The following ATP8A2 variants were observed in gnomAD, a reference collection of about 807,000 sequenced individuals.
The protein encoded by ATP8A2 is phospholipid-transporting ATPase IB.
In ATP8A2, 100 loss-of-function variants were observed where a neutral mutation model predicts 165.6. The ratio of observed to expected loss-of-function variants is 0.60; its 90% CI spans 0.51 to 0.71. The LOEUF (loss-of-function observed/expected upper bound fraction) is 0.71, where lower values mean the gene tolerates loss of function less well. ATP8A2 is among the 30% of genes least tolerant of loss of function. The pLI, the probability that ATP8A2 is intolerant of heterozygous loss-of-function variation, is 0.00. For synonymous variants in ATP8A2, 543 were observed against 548.8 expected (o/e 0.99, Z 0.15); for missense variants, 1,227 against 1,479.5 (o/e 0.83, Z 2.80).
rs983772780 is a variant in ATP8A2 at position 25,903,155 on chromosome 13, G to T, written c.3183+40747G>T. ...AACGAAACAAAACAAAAAAAATTCCGGTCTCCTGCCATAGCTCCTGTCTTG... is the reference window on the plus strand; with the variant it reads ...AACGAAACAAAACAAAAAAAATTCCTGTCTCCTGCCATAGCTCCTGTCTTG... On this transcript the variant is annotated intron_variant, in intron 33 of 36. Transcript: ENST00000381655. 6.6e-5 allele frequency among the ~76,000 whole-genome samples: 10 copies of T among 151,850 alleles called. No individual in the cohort carries two copies. In the South Asian group the frequency reaches 1.5e-3, roughly 22 times the overall value.
In ATP8A2 at chr13:25,448,657, T is replaced by C. The variant is rs9581347; in HGVS notation, c.77-20320T>C. ...ATTTAATAAGGCTCTTTTTATTTTA[T>C]TTATTTTTTTGAGACAGAGTCTCAC... On this transcript the variant is annotated intron_variant, in intron 1 of 36. Transcript: ENST00000381655. 5.2e-3 allele frequency among the ~76,000 whole-genome samples: 790 copies of C among 152,234 alleles called. 7 individuals are homozygous for C. The highest frequency in any genetic ancestry group is 0.017 in the African/African-American group (697 of 41,534).
intron 1 of ATP8A2, among the ~76,000 whole-genome samples, chr13:25,391,827 G>A (rs1292996701): frequency 6.6e-6 from 1 of 152,224 alleles, no homozygotes; most frequent in Non-Finnish European, 1.5e-5. Flanking sequence ...GTCTTGAGTG[G>A]ATGGAGGGTT....
intron 16 of ATP8A2, 21 bp downstream of exon 16, chr13:25,564,052 C>T (rs770225363): frequency 1.5e-5 from 23 of 1,567,560 alleles, no homozygotes; most frequent in East Asian, 9.0e-5. Flanking sequence ...TGTTTTACTT[C>T]GAAGACAGCA....
At chr13:25,833,438 A>G (rs9581452) in intron 28 of ATP8A2, among the ~76,000 whole-genome samples, 1,832 of 152,264 alleles carry the variant, frequency 0.012, 41 homozygotes, top group African/African-American at 0.039. Context: ...ATAAAAGTAG[A>G]CTTATTTTTA....
intron 1 of ATP8A2, among the ~76,000 whole-genome samples, chr13:25,468,028 G>A (rs73170521): frequency 0.21 from 32,542 of 152,174 alleles, 4,535 homozygotes; most frequent in Non-Finnish European, 0.31. Flanking sequence ...CACTGCTCAA[G>A]CTGGGCAGCC....
chr13:25,710,661 G>A (rs959163245), intron 25 of ATP8A2, among the ~76,000 whole-genome samples: 1 of 152,184 alleles, frequency 6.6e-6, no homozygotes, highest in African/African-American at 2.4e-5. Flanking sequence ...GTTGTTGGGT[G>A]AACACAAATG....
chr13:25,718,337 G>C (rs1176271235), intron 25 of ATP8A2, among the ~76,000 whole-genome samples: 1 of 152,166 alleles, frequency 6.6e-6, no homozygotes, highest in Non-Finnish European at 1.5e-5. Flanking sequence ...CTCGGGGTCA[G>C]AAAAAATTTA....
chr13:25,438,104 CTTTAGTAGATT>C (rs1408997129), intron 1 of ATP8A2, among the ~76,000 whole-genome samples: 2 of 151,828 alleles, frequency 1.3e-5, no homozygotes, highest in African/African-American at 4.8e-5. Flanking sequence ...ATTCTGTGAC[CTTTAGTAGATT>C]TTTAATTGTG....
chr13:25,483,944 C>T (rs537932264), intron 2 of ATP8A2, among the ~76,000 whole-genome samples: 3 of 152,290 alleles, frequency 2.0e-5, no homozygotes, highest in South Asian at 4.1e-4. Context: ...AGTGGACTTG[C>T]GTATTACTCT....
intron 33 of ATP8A2, among the ~76,000 whole-genome samples, chr13:25,948,488 G>A (rs71431770): frequency 7.1e-4 from 108 of 152,228 alleles, no homozygotes; most frequent in Non-Finnish European, 9.1e-4. Flanking sequence ...GTTAAGTAAC[G>A]AGTCAATGGC....
rs181232908 is a variant in ATP8A2 at position 25,920,385 on chromosome 13, A to G, written c.3184-41190A>G. Among the ~76,000 whole-genome samples the G allele has an allele frequency of 1.6e-3, 245 of 151,390 alleles. 2 individuals are homozygous for G. Among genetic ancestry groups the G allele is most frequent in the East Asian group, 2.7e-3 (14 of 5,100 alleles). ...TGACCCAGTGCCCTCCAGATGTATC[A>G]ATCTACACACATTATTAACACACAC... On this transcript the variant is annotated intron_variant, in intron 33 of 36. Transcript: ENST00000381655.
chr13:25,814,620 T>TAAAAAAA (rs3981881), intron 27 of ATP8A2, among the ~76,000 whole-genome samples: 2 of 129,614 alleles, frequency 1.5e-5, no homozygotes, highest in African/African-American at 2.9e-5. Flanking sequence ...AGCATTCAAT[T>TAAAAAAA]AAAAAAAAAA....
At chr13:25,520,053 G>C (rs1030753166) in intron 2 of ATP8A2, among the ~76,000 whole-genome samples, 2 of 152,138 alleles carry the variant, frequency 1.3e-5, no homozygotes, top group Non-Finnish European at 2.9e-5. Flanking sequence ...ATATTTTGAC[G>C]TGTACAACAG....
At chr13:25,614,860 A>G (rs111448896) in intron 24 of ATP8A2, among the ~76,000 whole-genome samples, 2,617 of 152,348 alleles carry the variant, frequency 0.017, 66 homozygotes, top group African/African-American at 0.059. Flanking sequence ...TGGACTGTCT[A>G]CAGGTCTCTC....
At chr13:25,633,344 T>C (rs79249019) in intron 24 of ATP8A2, among the ~76,000 whole-genome samples, 4,486 of 152,204 alleles carry the variant, frequency 0.029, 125 homozygotes, top group East Asian at 0.13. Context: ...CATTGTATAG[T>C]ATGATTTCTC....
chr13:25,941,802 C>G (rs1955079641), intron 33 of ATP8A2, among the ~76,000 whole-genome samples: 1 of 152,078 alleles, frequency 6.6e-6, no homozygotes, highest in African/African-American at 2.4e-5. Flanking sequence ...AGACAAAAGT[C>G]CAGGAATTAA....
At chr13:25,522,682 C>T (rs1473914868) in intron 2 of ATP8A2, among the ~76,000 whole-genome samples, 2 of 152,062 alleles carry the variant, frequency 1.3e-5, no homozygotes, top group Non-Finnish European at 2.9e-5. Flanking sequence ...GGTTTTTGTT[C>T]TTGGTTCTGT....
intron 24 of ATP8A2, among the ~76,000 whole-genome samples, chr13:25,607,347 C>T (rs908399941): frequency 2.0e-5 from 3 of 152,206 alleles, no homozygotes; most frequent in Admixed American, 6.5e-5. Context: ...CACAGCCATG[C>T]ACACTGATGT....
At chr13:25,428,928 G>A (rs2034527312) in intron 1 of ATP8A2, among the ~76,000 whole-genome samples, 3 of 152,286 alleles carry the variant, frequency 2.0e-5, no homozygotes, top group Non-Finnish European at 2.9e-5. Context: ...CTCACAGCAC[G>A]ACCCCAGAAC....
Sources: allele counts gnomAD v4.1 joint callset (sites outside exome capture counted in the v4.1 genomes callset), GRCh38; gene constraint gnomAD v4.1.1; transcripts MANE v1.5; gene names NCBI Gene and HGNC (gene_info 2026-07-23, HGNC 2026-07-21).